The following FHIT variants were observed in gnomAD, a reference collection of about 807,000 sequenced individuals.
FHIT encodes the protein fragile histidine triad diadenosine triphosphatase.
Under a neutral mutation model 17.9 loss-of-function variants are expected in FHIT, and 19 were observed. The observed-to-expected ratio is 1.06, with a 90% CI of 0.74 to 1.56. The LOEUF (loss-of-function observed/expected upper bound fraction) is 1.56. Ranked by LOEUF, FHIT falls within the 40% of genes most tolerant of loss-of-function variation. The pLI is 0.00. For missense variants in FHIT, 248 were observed against 189.2 expected (o/e 1.31, Z -1.82); for synonymous variants, 81 against 69.7 (o/e 1.16, Z -0.81).
chr3:59,802,343 C>A (rs1293308958), intron 8 of FHIT, among the ~76,000 whole-genome samples: 2 of 152,176 alleles, frequency 1.3e-5, no homozygotes, highest in Non-Finnish European at 2.9e-5. Context: ...TCTCTTAATT[C>A]ATTGTTGTCA....
At chr3:60,894,871 A>C (rs1396150004) in intron 3 of FHIT, among the ~76,000 whole-genome samples, 1 of 152,160 alleles carries the variant, frequency 6.6e-6, no homozygotes, top group Admixed American at 6.5e-5. Context: ...CAAACAAATG[A>C]AAAGTGGTTT....
chr3:60,205,279 T>A (rs1703119985), intron 5 of FHIT, among the ~76,000 whole-genome samples: 1 of 152,142 alleles, frequency 6.6e-6, no homozygotes, highest in African/African-American at 2.4e-5. Context: ...GATAAAAGAA[T>A]GAGTAATATT....
intron 7 of FHIT, among the ~76,000 whole-genome samples, chr3:59,995,003 G>C (rs1233517307): frequency 6.6e-6 from 1 of 152,010 alleles, no homozygotes; most frequent in Admixed American, 6.6e-5. Context: ...GGTACGAAAG[G>C]AGAGAGGCTC....
intron 5 of FHIT, among the ~76,000 whole-genome samples, chr3:60,493,541 T>G (rs1223608495): frequency 1.3e-5 from 2 of 152,190 alleles, no homozygotes; most frequent in Non-Finnish European, 2.9e-5. Flanking sequence ...TTTAAAGAAG[T>G]GTGCTTACAT....
chr3:60,469,522 T>C (rs2032974086), intron 5 of FHIT, among the ~76,000 whole-genome samples: 1 of 152,200 alleles, frequency 6.6e-6, no homozygotes, highest in Non-Finnish European at 1.5e-5. Context: ...CTCTCTTCAT[T>C]AGATTTGTCT....
intron 8 of FHIT, among the ~76,000 whole-genome samples, chr3:59,767,062 G>C (rs1168952177): frequency 6.6e-6 from 1 of 152,116 alleles, no homozygotes; most frequent in Non-Finnish European, 1.5e-5. Flanking sequence ...CCGATTAACT[G>C]TTCTTTCACA....
intron 4 of FHIT, among the ~76,000 whole-genome samples, chr3:60,679,340 T>C (rs1028133427): frequency 5.9e-5 from 9 of 152,336 alleles, no homozygotes; most frequent in Admixed American, 4.6e-4. Flanking sequence ...AGAAGTCATG[T>C]CTGCTTACTG....
chr3:61,239,782 T>TATATATATATATATATATATAC (rs895030251), intron 1 of FHIT, among the ~76,000 whole-genome samples: 58 of 144,022 alleles, frequency 4.0e-4, no homozygotes, highest in Admixed American at 7.6e-4. Flanking sequence ...TATATATATA[T>TATATATATATATATATATATAC]ATACACAAAT....
chr3:60,532,085 T>C (rs910444139), intron 5 of FHIT, among the ~76,000 whole-genome samples: 2 of 152,190 alleles, frequency 1.3e-5, no homozygotes, highest in African/African-American at 2.4e-5. Flanking sequence ...ATGGTCTTGA[T>C]TGGAAAAATC....
intron 5 of FHIT, among the ~76,000 whole-genome samples, chr3:60,322,880 G>A (rs115683766): frequency 1.9e-3 from 295 of 152,170 alleles, no homozygotes; most frequent in Non-Finnish European, 2.7e-3. Flanking sequence ...AATTTGAACC[G>A]TCTGAATTAT....
chr3:60,889,187 A>G (rs1282601769), intron 3 of FHIT, among the ~76,000 whole-genome samples: 2 of 150,870 alleles, frequency 1.3e-5, no homozygotes, highest in Non-Finnish European at 3.0e-5. Context: ...CAAAGCACTC[A>G]CCCCCTCACT....
intron 8 of FHIT, among the ~76,000 whole-genome samples, chr3:59,767,809 T>G (rs1018479663): frequency 1.3e-5 from 2 of 152,192 alleles, no homozygotes; most frequent in East Asian, 1.9e-4. Flanking sequence ...TGTGATCTCA[T>G]AGCTAGTAGG....
chr3:60,058,138 T>TTG (rs1702158396), intron 5 of FHIT, among the ~76,000 whole-genome samples: 2 of 129,330 alleles, frequency 1.5e-5, no homozygotes, highest in African/African-American at 5.8e-5. Flanking sequence ...GTGTTTTTTT[T>TTG]TTTTTTTTTT....
At chr3:61,209,964 T>A (rs1465630250) in intron 1 of FHIT, among the ~76,000 whole-genome samples, 1 of 152,222 alleles carries the variant, frequency 6.6e-6, no homozygotes, top group Non-Finnish European at 1.5e-5. Context: ...TGGTCTTTGA[T>A]GATGGTGACG....
chr3:60,169,895 A>G (rs1191873553), intron 5 of FHIT, among the ~76,000 whole-genome samples: 1 of 152,156 alleles, frequency 6.6e-6, no homozygotes, highest in Non-Finnish European at 1.5e-5. Context: ...TACAGCACTA[A>G]TCTGTAAACC....
chr3:60,587,816 G>A (rs1238243783), intron 4 of FHIT, among the ~76,000 whole-genome samples: 2 of 151,968 alleles, frequency 1.3e-5, no homozygotes, highest in African/African-American at 4.8e-5. Flanking sequence ...TGGTAACATC[G>A]GTTGTCTTAT....
chr3:61,205,558 G>T (rs368710155), intron 1 of FHIT, among the ~76,000 whole-genome samples: 14,156 of 151,944 alleles, frequency 0.093, 870 homozygotes, highest in Non-Finnish European at 0.14. Context: ...TGATTTGCAT[G>T]TCTCTGATGG....
intron 4 of FHIT, among the ~76,000 whole-genome samples, chr3:60,574,970 G>A (rs1553657047): frequency 6.6e-6 from 1 of 151,868 alleles, no homozygotes; most frequent in Non-Finnish European, 1.5e-5. Flanking sequence ...TTGAGGTTGG[G>A]AACATCGTTT....
At chr3:60,120,218 C>G (rs765149505) in intron 5 of FHIT, among the ~76,000 whole-genome samples, 1 of 152,218 alleles carries the variant, frequency 6.6e-6, no homozygotes, top group Non-Finnish European at 1.5e-5. Context: ...GTCCACCCAA[C>G]TGGACAGTAA....
Sources: allele counts gnomAD v4.1 joint callset (sites outside exome capture counted in the v4.1 genomes callset), GRCh38; gene constraint gnomAD v4.1.1; transcripts MANE v1.5; gene names NCBI Gene and HGNC (gene_info 2026-07-23, HGNC 2026-07-21).